Variants in GABRB3 observed in about 807,000 individuals in gnomAD.
GABRB3 encodes the protein gamma-aminobutyric acid type A receptor subunit beta3.
GABRB3 carries 14 observed loss-of-function variants against 52.1 expected under a neutral mutation model. That is an observed-to-expected ratio of 0.27 (90% CI 0.18 to 0.42). GABRB3 has a LOEUF of 0.42. Among genes scored for constraint, GABRB3 ranks in the 10% least tolerant of loss-of-function variants. The pLI, the probability that GABRB3 is intolerant of heterozygous loss-of-function variation, is 1.00. For missense variants in GABRB3, 307 were observed against 609.1 expected, an observed-to-expected ratio of 0.50 and a Z score of 5.22; for synonymous variants, 260 against 232.3, an observed-to-expected ratio of 1.12 and a Z score of -1.08.
intron 3 of GABRB3, among the ~76,000 whole-genome samples, chr15:26,723,663 G>A (rs74004653): frequency 0.023 from 3,468 of 152,230 alleles, 127 homozygotes; most frequent in African/African-American, 0.08. Context: ...GACTCTGTCC[G>A]TTGGAAACCT....
chr15:26,597,191 A>T (rs544492631), intron 4 of GABRB3, among the ~76,000 whole-genome samples: 37 of 152,300 alleles, frequency 2.4e-4, no homozygotes, highest in Non-Finnish European at 4.4e-4. Flanking sequence ...GAACTCAAGG[A>T]GTTTTGGAGG....
chr15:26,725,338 A>G (rs1178272168), intron 3 of GABRB3, among the ~76,000 whole-genome samples: 4 of 152,118 alleles, frequency 2.6e-5, no homozygotes, highest in Non-Finnish European at 4.4e-5. Flanking sequence ...ATCCCTCCCC[A>G]GAAGCTGTCC....
intron 3 of GABRB3, among the ~76,000 whole-genome samples, chr15:26,755,838 A>C (rs939120809): frequency 2.6e-5 from 4 of 152,252 alleles, no homozygotes; most frequent in African/African-American, 9.6e-5. Flanking sequence ...ACAGTAACTT[A>C]GGCACAAAGA....
intron 3 of GABRB3, among the ~76,000 whole-genome samples, chr15:26,677,428 G>T (rs1044884633): frequency 1.3e-5 from 2 of 152,096 alleles, no homozygotes; most frequent in Admixed American, 1.3e-4. Flanking sequence ...CTAAAAGCTG[G>T]TTTTGGGGGA....
chr15:26,687,648 T>C (rs910282228), intron 3 of GABRB3, among the ~76,000 whole-genome samples: 6 of 152,172 alleles, frequency 3.9e-5, no homozygotes, highest in African/African-American at 1.4e-4. Flanking sequence ...AACCATCACA[T>C]CCTTTGTTTT....
intron 3 of GABRB3, among the ~76,000 whole-genome samples, chr15:26,744,494 C>T (rs970832336): frequency 3.5e-4 from 54 of 152,168 alleles, no homozygotes; most frequent in African/African-American, 1.3e-3. Flanking sequence ...GGTGCCATCT[C>T]AGCTCACTGC....
At chr15:26,772,822 C>T (rs1216735686) in intron 1 of GABRB3, 50 bp from the exon 2 acceptor site, 4 of 1,469,864 alleles carry the variant, frequency 2.7e-6, no homozygotes, top group Non-Finnish European at 3.6e-6. Context: ...GCGGCTCAGC[C>T]GCCAGCGCCC....
intron 4 of GABRB3, among the ~76,000 whole-genome samples, chr15:26,611,098 A>G (rs999566725): frequency 2.0e-5 from 3 of 152,238 alleles, no homozygotes; most frequent in African/African-American, 4.8e-5. Flanking sequence ...TGATATTCAC[A>G]GACTATTTTA....
chr15:26,616,190 AGAG>A (rs1157048280), intron 4 of GABRB3: 1 of 741,686 alleles, frequency 1.3e-6, no homozygotes, highest in African/African-American at 1.8e-5. Flanking sequence ...GGGGCCAAGG[AGAG>A]GATGGAGGGT....
At chr15:26,769,988 T>C (rs201194384) in intron 3 of GABRB3, among the ~76,000 whole-genome samples, 3 of 121,976 alleles carry the variant, frequency 2.5e-5, no homozygotes, top group Middle Eastern at 3.8e-3. Context: ...TTCTCAAACA[T>C]TGACTGAGTG....
Position 26,560,951 on chromosome 15 carries a change from G to T in GABRB3, c.1061C>A (p.Ser354Ter). The change falls in exon 8 of 9, where the codon TCA becomes TAA. Residue 354 changes from serine to a stop codon, truncating the protein, a stop_gained. Coordinates refer to ENST00000311550, the MANE Select transcript of GABRB3 (RefSeq NM_000814.6). LOFTEE classifies it high-confidence loss of function. The stretch of plus-strand genomic sequence containing the variant: ...GCCTACCCGGTTGCTTTCGCTCTTT[G>T]AACGGTCATTCTTTGCCTTGGCTGT... ...EKTAKAKNDR[S>*]KSESNRVDAH... 2 of 1,613,924 alleles carry T rather than the reference G, an allele frequency of 1.2e-6. No homozygotes were observed. Among genetic ancestry groups the T allele is most frequent in the South Asian group, 2.2e-5 (2 of 91,038 alleles).
chr15:26,742,230 T>A (rs767976316), intron 3 of GABRB3, among the ~76,000 whole-genome samples: 1 of 152,174 alleles, frequency 6.6e-6, no homozygotes, highest in Non-Finnish European at 1.5e-5. Context: ...TCTTGGGTCC[T>A]TCCCAGGACT....
intron 3 of GABRB3, among the ~76,000 whole-genome samples, chr15:26,697,436 GTC>G (rs1888776838): frequency 6.6e-6 from 1 of 152,100 alleles, no homozygotes; most frequent in Non-Finnish European, 1.5e-5. Context: ...ATGAGTCAAT[GTC>G]TCAATCCCTG....
At chr15:26,711,133 C>A (rs1243887625) in intron 3 of GABRB3, among the ~76,000 whole-genome samples, 1 of 152,174 alleles carries the variant, frequency 6.6e-6, no homozygotes, top group Non-Finnish European at 1.5e-5. Flanking sequence ...ATGGATTCCA[C>A]CATCTTCCCT....
At chr15:26,642,591 T>C in intron 3 of GABRB3, 1 of 955,134 alleles carries the variant, frequency 1.0e-6, no homozygotes, top group Non-Finnish European at 1.5e-6. Context: ...AAAAATAGTC[T>C]AAGTGCTATC....
intron 6 of GABRB3, among the ~76,000 whole-genome samples, chr15:26,571,873 C>T (rs1234280852): frequency 6.6e-6 from 1 of 151,928 alleles, no homozygotes; most frequent in African/African-American, 2.4e-5. Context: ...CATGGTGAAA[C>T]CCCATCTCTA....
intron 3 of GABRB3, among the ~76,000 whole-genome samples, chr15:26,666,935 CTTCT>C (rs1437785110): frequency 1.3e-5 from 2 of 152,120 alleles, no homozygotes; most frequent in African/African-American, 4.8e-5. Flanking sequence ...TCATCTCTGC[CTTCT>C]TCCAGGGAGG....
chr15:26,682,531 C>T (rs1472607127), intron 3 of GABRB3, among the ~76,000 whole-genome samples: 1 of 152,198 alleles, frequency 6.6e-6, no homozygotes, highest in Non-Finnish European at 1.5e-5. Flanking sequence ...AGAGCATCAA[C>T]ACAATGTTAT....
intron 3 of GABRB3, among the ~76,000 whole-genome samples, chr15:26,689,708 C>A (rs555009884): frequency 6.6e-6 from 1 of 151,980 alleles, no homozygotes; most frequent in East Asian, 1.9e-4. Context: ...CTGGGTGGTC[C>A]CCAAGCAGGA....
Sources: gnomAD v4.1 joint callset for allele counts (sites outside exome capture counted in the v4.1 genomes callset) on GRCh38, gnomAD v4.1.1 for gene constraint, MANE v1.5 for transcripts, NCBI Gene and HGNC (gene_info 2026-07-23, HGNC 2026-07-21) for gene names.